Variants in SRPK2 observed in about 807,000 individuals in gnomAD.
SRPK2 encodes the protein SFRS protein kinase 2.
SRPK2 carries 21 observed loss-of-function variants against 90.8 expected under a neutral mutation model. That is an observed-to-expected ratio of 0.23 (90% CI 0.16 to 0.33). The LOEUF is 0.33. SRPK2 is among the 10% of genes least tolerant of loss of function. The pLI is 1.00. For missense variants in SRPK2, 620 were observed against 869.0 expected (o/e 0.71, Z 3.60); for synonymous variants, 288 against 311.1 (o/e 0.93, Z 0.78).
At chr7:105,134,488 C>T (rs545597230) in intron 11 of SRPK2, among the ~76,000 whole-genome samples, 11 of 152,332 alleles carry the variant, frequency 7.2e-5, no homozygotes, top group African/African-American at 7.2e-5. Context: ...TATAAACTAC[C>T]GGGTTTCCGG....
chr7:105,329,972 T>C (rs1173872971), intron 2 of SRPK2, among the ~76,000 whole-genome samples: 1 of 148,494 alleles, frequency 6.7e-6, no homozygotes, highest in African/African-American at 2.5e-5. Flanking sequence ...GAGGCAGAGG[T>C]TGCAGTGAAC....
chr7:105,152,209 G>A (rs1805796320), intron 7 of SRPK2, among the ~76,000 whole-genome samples: 1 of 151,972 alleles, frequency 6.6e-6, no homozygotes, highest in East Asian at 1.9e-4. Context: ...GAGTGCAGTG[G>A]CACGATCTTG....
At chr7:105,269,703 G>C (rs1255000062) in intron 2 of SRPK2, among the ~76,000 whole-genome samples, 1 of 152,212 alleles carries the variant, frequency 6.6e-6, no homozygotes, top group East Asian at 1.9e-4. Context: ...GAAAATAAGA[G>C]AGGGAAAAGA....
rs1335044105 is a variant in SRPK2, at chr7:105,388,826, G to A, written c.-20C>T. On this transcript the variant is annotated 5_prime_UTR_variant, in exon 1 of 16. Transcript: ENST00000393651. ...GCTCATTCCGACGCGGCGGAAGCGG[G>A]GCGGGGGGCTTCGCGACGGCGACGC... 2 of 1,358,786 alleles carry A rather than the reference G, an allele frequency of 1.5e-6. No homozygotes were observed. The highest frequency in any genetic ancestry group is 3.0e-5 in the East Asian group (1 of 33,454). The allele number at this position is 1,358,786 out of a possible 1,614,324, so 84.2% of individuals were successfully genotyped here.
chr7:105,265,114 C>A (rs1421420240), intron 2 of SRPK2, among the ~76,000 whole-genome samples: 1 of 152,148 alleles, frequency 6.6e-6, no homozygotes, highest in Non-Finnish European at 1.5e-5. Flanking sequence ...AACACACACA[C>A]CCCTTCCCTC....
At chr7:105,276,741 A>T (rs1806550516) in intron 2 of SRPK2, among the ~76,000 whole-genome samples, 2 of 152,174 alleles carry the variant, frequency 1.3e-5, no homozygotes, top group South Asian at 2.1e-4. Context: ...CTGTCTGAAA[A>T]GAAAAGAAAC....
chr7:105,173,197 C>A (rs963246441), intron 3 of SRPK2, among the ~76,000 whole-genome samples: 2 of 152,112 alleles, frequency 1.3e-5, no homozygotes, highest in African/African-American at 4.8e-5. Context: ...GGGCTTACTA[C>A]ATCCTTGAAC....
intron 2 of SRPK2, among the ~76,000 whole-genome samples, chr7:105,276,339 C>T (rs1386204443): frequency 6.6e-6 from 1 of 151,956 alleles, no homozygotes; most frequent in Non-Finnish European, 1.5e-5. Flanking sequence ...TTGGCCCCCT[C>T]AAAGTGCCAG....
chr7:105,353,267 T>C (rs1242885229), intron 2 of SRPK2, among the ~76,000 whole-genome samples: 1 of 152,198 alleles, frequency 6.6e-6, no homozygotes, highest in Non-Finnish European at 1.5e-5. Context: ...CTGCTGAACA[T>C]TTCTGTGCCT....
chr7:105,146,479 C>G lies in SRPK2; in HGVS notation c.787+14G>C. 1.1e-5 allele frequency: 17 copies of G among 1,613,196 alleles called. No homozygotes were observed. The highest frequency in any genetic ancestry group is 1.4e-5 in the Non-Finnish European group (17 of 1,179,476). ...TGCCCCCACACTGAAATGAAGCTGG[C>G]TCAGCTCCCTCACCTGCAGACCCTG... On this transcript the variant is annotated intron_variant, in intron 8 of 15. Coordinates refer to ENST00000393651, the MANE Select transcript of SRPK2 (RefSeq NM_182692.3).
chr7:105,397,602 A>C (rs916739070), intron 1 of SRPK2, among the ~76,000 whole-genome samples: 1 of 151,816 alleles, frequency 6.6e-6, no homozygotes, highest in African/African-American at 2.4e-5. Flanking sequence ...TGCTGGGATT[A>C]CAGGCATGAG....
intron 11 of SRPK2, among the ~76,000 whole-genome samples, chr7:105,139,603 T>C (rs147817579): frequency 1.4e-3 from 214 of 152,334 alleles, no homozygotes; most frequent in African/African-American, 4.9e-3. Flanking sequence ...GTCTTATGAC[T>C]TGCCTGGGCC....
intron 7 of SRPK2, among the ~76,000 whole-genome samples, chr7:105,150,755 C>T (rs186731260): frequency 6.6e-6 from 1 of 152,298 alleles, no homozygotes; most frequent in East Asian, 1.9e-4. Context: ...TGGATAGGCA[C>T]ATTGATGATG....
At chr7:105,270,511 G>A (rs928735032) in intron 2 of SRPK2, among the ~76,000 whole-genome samples, 3 of 151,072 alleles carry the variant, frequency 2.0e-5, no homozygotes, top group Non-Finnish European at 2.9e-5. Flanking sequence ...GGGTTCAAGC[G>A]ATTCTCCTGT....
intron 5 of SRPK2, among the ~76,000 whole-genome samples, 197 bp downstream of exon 5, chr7:105,167,811 G>GT (rs993255540): frequency 6.6e-6 from 1 of 151,916 alleles, no homozygotes; most frequent in Non-Finnish European, 1.5e-5. Context: ...GGGTTTCACC[G>GT]TGTTTGCCAG....
At chr7:105,231,395 T>C (rs1187014336) in intron 2 of SRPK2, among the ~76,000 whole-genome samples, 1 of 152,202 alleles carries the variant, frequency 6.6e-6, no homozygotes, top group Non-Finnish European at 1.5e-5. Context: ...TGCGTCTTCA[T>C]GGTAGAATGA....
At chr7:105,156,896 A>G (rs1202068171) in intron 7 of SRPK2, among the ~76,000 whole-genome samples, 1 of 152,194 alleles carries the variant, frequency 6.6e-6, no homozygotes, top group Non-Finnish European at 1.5e-5. Flanking sequence ...AATGTAGGGT[A>G]TATTTGATGC....
upstream of SRPK2, among the ~76,000 whole-genome samples, chr7:105,394,220 G>A (rs930333125): frequency 1.1e-4 from 17 of 148,786 alleles, 1 homozygote; most frequent in Middle Eastern, 0.01. Context: ...TCGGCTCACC[G>A]CAACCTCTGC....
intron 2 of SRPK2, among the ~76,000 whole-genome samples, chr7:105,287,024 G>T (rs1321956290): frequency 1.3e-5 from 2 of 151,968 alleles, no homozygotes; most frequent in Admixed American, 1.3e-4. Context: ...CACTTTGGGA[G>T]GCCGAGGCGG....
Sources: allele counts gnomAD v4.1 joint callset (sites outside exome capture counted in the v4.1 genomes callset), GRCh38; gene constraint gnomAD v4.1.1; transcripts MANE v1.5; gene names NCBI Gene and HGNC (gene_info 2026-07-23, HGNC 2026-07-21).